The following NELL1 variants were observed in gnomAD, a reference collection of about 807,000 sequenced individuals.
NELL1 encodes protein kinase C-binding protein NELL1.
A neutral mutation model predicts 107.4 loss-of-function variants in NELL1; 76 were observed. That is an observed-to-expected ratio of 0.71 (90% CI 0.59 to 0.86). NELL1 has a LOEUF of 0.86. Among genes scored for constraint, NELL1 ranks in the 40% least tolerant of loss-of-function variants. The probability of loss-of-function intolerance (pLI) is 0.00; values close to 1 mark genes in which losing one functional copy is unlikely to be tolerated. For synonymous variants in NELL1, 353 were observed against 341.2 expected (o/e 1.03, Z -0.38); for missense variants, 1,024 against 1,005.5 (o/e 1.02, Z -0.25).
intron 13 of NELL1, among the ~76,000 whole-genome samples, chr11:21,155,295 A>G (rs745883355): frequency 6.6e-6 from 1 of 152,098 alleles, no homozygotes; most frequent in African/African-American, 2.4e-5. Flanking sequence ...TAGAAACCCT[A>G]ATGGAAATGT....
chr11:20,742,049 A>G (rs1163067916), intron 2 of NELL1, among the ~76,000 whole-genome samples: 1 of 152,234 alleles, frequency 6.6e-6, no homozygotes, highest in Non-Finnish European at 1.5e-5. Context: ...TTAGAGGACA[A>G]GAAACCAGCG....
At chr11:21,024,422 C>T (rs969615369) in intron 12 of NELL1, among the ~76,000 whole-genome samples, 2 of 152,040 alleles carry the variant, frequency 1.3e-5, no homozygotes, top group Admixed American at 6.6e-5. Context: ...CCATAGGAAG[C>T]GCTGTAATAG....
chr11:20,713,346 G>C (rs77743930), intron 2 of NELL1, among the ~76,000 whole-genome samples: 5,871 of 152,174 alleles, frequency 0.039, 403 homozygotes, highest in African/African-American at 0.13. Flanking sequence ...TGCAGCCACT[G>C]TGAGGGCTGG....
chr11:21,362,259 G>A (rs1039763808), intron 14 of NELL1, among the ~76,000 whole-genome samples: 25 of 152,100 alleles, frequency 1.6e-4, no homozygotes, highest in Admixed American at 4.6e-4. Flanking sequence ...TAATTGTTAT[G>A]GCTCTTTTGG....
At chr11:21,291,432 A>G (rs941182303) in intron 14 of NELL1, among the ~76,000 whole-genome samples, 24 of 152,100 alleles carry the variant, frequency 1.6e-4, no homozygotes, top group Non-Finnish European at 3.1e-4. Context: ...GATAATTAAT[A>G]GACTACCAGC....
intron 4 of NELL1, among the ~76,000 whole-genome samples, chr11:20,857,169 A>G (rs1270144138): frequency 6.6e-6 from 1 of 152,200 alleles, no homozygotes; most frequent in African/African-American, 2.4e-5. Flanking sequence ...CCAGCCTTGC[A>G]GGCCAGGGAA....
At chr11:20,766,969 C>T (rs1166423477) in intron 2 of NELL1, among the ~76,000 whole-genome samples, 2 of 152,166 alleles carry the variant, frequency 1.3e-5, no homozygotes, top group Non-Finnish European at 2.9e-5. Flanking sequence ...GTCTTGAACT[C>T]CTGGCCTCAA....
At chr11:20,690,378 G>T (rs1297167285) in intron 2 of NELL1, among the ~76,000 whole-genome samples, 1 of 152,138 alleles carries the variant, frequency 6.6e-6, no homozygotes, top group Admixed American at 6.6e-5. Context: ...CCTGAATGGT[G>T]ATGCCTGGGT....
At chr11:21,224,969 T>G (rs1383307434) in intron 13 of NELL1, among the ~76,000 whole-genome samples, 2 of 152,306 alleles carry the variant, frequency 1.3e-5, no homozygotes, top group African/African-American at 4.8e-5. Flanking sequence ...TTCATTTGCT[T>G]TTGTGTGTTG....
intron 6 of NELL1, among the ~76,000 whole-genome samples, chr11:20,919,018 TG>T (rs752758207): frequency 6.6e-6 from 1 of 151,998 alleles, no homozygotes; most frequent in Non-Finnish European, 1.5e-5. Context: ...TAAAATGTCA[TG>T]TTGCCTTTCT....
intron 9 of NELL1, among the ~76,000 whole-genome samples, chr11:20,932,723 G>C (rs1850644308): frequency 6.6e-6 from 1 of 152,164 alleles, no homozygotes; most frequent in Admixed American, 6.5e-5. Context: ...TCCCAGTTTT[G>C]GGGGAGCCAA....
chr11:21,414,287 T>C (rs773080833), intron 15 of NELL1, among the ~76,000 whole-genome samples: 19 of 152,108 alleles, frequency 1.2e-4, no homozygotes, highest in Non-Finnish European at 2.6e-4. Context: ...ATGGTACTTA[T>C]AGCAACATGA....
At chr11:21,356,238 T>C (rs1364170971) in intron 14 of NELL1, among the ~76,000 whole-genome samples, 1 of 152,204 alleles carries the variant, frequency 6.6e-6, no homozygotes, top group African/African-American at 2.4e-5. Context: ...TATTTTTATC[T>C]GTTCTGTTAA....
chr11:21,171,444 A>T (rs1241169831), intron 13 of NELL1, among the ~76,000 whole-genome samples: 1 of 151,832 alleles, frequency 6.6e-6, no homozygotes, highest in African/African-American at 2.4e-5. Context: ...TATATTTTTT[A>T]ACGAAACTGT....
intron 14 of NELL1, among the ~76,000 whole-genome samples, chr11:21,309,286 A>ATATATATG (rs1565160446): frequency 3.7e-5 from 4 of 109,206 alleles, no homozygotes; most frequent in African/African-American, 1.3e-4. Flanking sequence ...ATATGTATAT[A>ATATATATG]TATATATATA....
chr11:20,769,930 C>A (rs924026050), intron 2 of NELL1, among the ~76,000 whole-genome samples: 2 of 152,032 alleles, frequency 1.3e-5, no homozygotes, highest in East Asian at 1.9e-4. Flanking sequence ...TAGATGATAC[C>A]CAAGTAGAAA....
At chr11:21,351,897 G>A (rs542102371) in intron 14 of NELL1, among the ~76,000 whole-genome samples, 64 of 152,178 alleles carry the variant, frequency 4.2e-4, no homozygotes, top group African/African-American at 1.2e-3. Context: ...TCTTAATTGC[G>A]TTCAGAACAA....
chr11:20,974,035 C>G (rs1259365151), intron 12 of NELL1, among the ~76,000 whole-genome samples: 1 of 152,154 alleles, frequency 6.6e-6, no homozygotes, highest in Non-Finnish European at 1.5e-5. Context: ...CTTGTTTAGG[C>G]TCGGGAGGAA....
Position 20,790,076 on chromosome 11 carries a change from G to A in NELL1, c.335+6246G>A, listed in dbSNP as rs555893787. ...CCATGGGCAGCCATGGATAGGCCTC[G>A]AAAAGGCACTACAAGTTCCCATTCC... On this transcript the variant is annotated intron_variant, in intron 3 of 19. Transcript: ENST00000357134. 1.1e-4 allele frequency among the ~76,000 whole-genome samples: 16 copies of A among 152,302 alleles called. No homozygotes were observed. The East Asian group carries it at 1.2e-3, about 11-fold the overall frequency.
Sources: gnomAD v4.1 joint callset for allele counts (sites outside exome capture counted in the v4.1 genomes callset) on GRCh38, gnomAD v4.1.1 for gene constraint, MANE v1.5 for transcripts, NCBI Gene and HGNC (gene_info 2026-07-23, HGNC 2026-07-21) for gene names.